Variants in LRFN5 observed in about 807,000 individuals in gnomAD.
LRFN5 encodes the protein leucine-rich repeat and fibronectin type-III domain-containing protein 5.
LRFN5 carries 24 observed loss-of-function variants against 45.6 expected under a neutral mutation model. The observed-to-expected ratio is 0.53, with a 90% confidence interval of 0.38 to 0.74. The LOEUF is 0.74. LRFN5 is among the 30% of genes least tolerant of loss of function. LRFN5 has a pLI of 0.00. For missense variants in LRFN5, 776 were observed against 861.5 expected, an observed-to-expected ratio of 0.90 and a Z score of 1.24; for synonymous variants, 340 against 313.8, an observed-to-expected ratio of 1.08 and a Z score of -0.88.
At chr14:41,667,486 G>A (rs941639481) in intron 1 of LRFN5, among the ~76,000 whole-genome samples, 3 of 152,128 alleles carry the variant, frequency 2.0e-5, no homozygotes, top group Admixed American at 2.0e-4. Context: ...ACCTCCATGT[G>A]GTTAGTGGCT....
At chr14:41,749,219 G>A (rs181153238) in intron 1 of LRFN5, among the ~76,000 whole-genome samples, 1 of 152,134 alleles carries the variant, frequency 6.6e-6, no homozygotes, top group African/African-American at 2.4e-5. Context: ...GTTGAGAGAC[G>A]TATGCAAACA....
chr14:41,655,072 C>G (rs923217763), intron 1 of LRFN5, among the ~76,000 whole-genome samples: 1 of 151,976 alleles, frequency 6.6e-6, no homozygotes. Context: ...TTAATTCAGT[C>G]GTTTGTTCAA....
chr14:41,763,523 T>G (rs1487591989), intron 1 of LRFN5, among the ~76,000 whole-genome samples: 1 of 152,226 alleles, frequency 6.6e-6, no homozygotes, highest in African/African-American at 2.4e-5. Flanking sequence ...CACCCAAATC[T>G]CATCTTGAAT....
chr14:41,703,231 T>C (rs56232572), intron 1 of LRFN5, among the ~76,000 whole-genome samples: 6,787 of 152,264 alleles, frequency 0.045, 489 homozygotes, highest in African/African-American at 0.15. Context: ...AATATAGTAA[T>C]ATTTGATGAT....
chr14:41,633,843 A>C, intron 1 of LRFN5, among the ~76,000 whole-genome samples: 1 of 152,054 alleles, frequency 6.6e-6, no homozygotes, highest in East Asian at 1.9e-4. Context: ...TTCCTCATAC[A>C]CAAGTGTATG....
At chr14:41,778,191 C>G (rs74045421) in intron 2 of LRFN5, among the ~76,000 whole-genome samples, 1,867 of 151,248 alleles carry the variant, frequency 0.012, 32 homozygotes, top group African/African-American at 0.043. Flanking sequence ...TATTTGATTC[C>G]CAGTCTGAAT....
Position 41,891,641 on chromosome 14 carries a change from GC to G in LRFN5, c.1778del (p.Ala593ValfsTer18). The G allele has an allele frequency of 6.2e-7, 1 of 1,614,192 alleles. No individual in the cohort carries two copies. Among genetic ancestry groups the G allele is most frequent in the Non-Finnish European group, 8.5e-7 (1 of 1,180,038 alleles). On this transcript the variant is annotated frameshift_variant, in exon 4 of 6. Coordinates refer to ENST00000298119, the MANE Select transcript of LRFN5 (RefSeq NM_152447.5). LOFTEE classifies it high-confidence loss of function. Reference sequence around the variant, plus strand: ...GCTGCCCCAGTCCGTGTCCAAACAAGCTGTGGGACACGAAGAGAATGCCCAG... The same window carrying G: ...GCTGCCCCAGTCCGTGTCCAAACAAGTGTGGGACACGAAGAGAATGCCCAG... ...VTLPQSVSKQ[A>X]VGHEENAQCC...
At chr14:41,877,174 A>G (rs141646270) in intron 2 of LRFN5, among the ~76,000 whole-genome samples, 1,732 of 152,240 alleles carry the variant, frequency 0.011, 29 homozygotes, top group African/African-American at 0.04. Context: ...TATCGCTTAC[A>G]TTTCCTAAAT....
At chr14:41,878,097 G>C (rs1254563207) in intron 2 of LRFN5, among the ~76,000 whole-genome samples, 2 of 151,972 alleles carry the variant, frequency 1.3e-5, no homozygotes, top group Non-Finnish European at 2.9e-5. Context: ...AGCATTTATA[G>C]TCTCTCTAGA....
chr14:41,767,596 T>G (rs1256071286), intron 2 of LRFN5, among the ~76,000 whole-genome samples: 2 of 152,112 alleles, frequency 1.3e-5, no homozygotes, highest in Non-Finnish European at 2.9e-5. Flanking sequence ...TGCCAGCCTT[T>G]AAATGTGCAT....
At chr14:41,858,649 T>C (rs970304484) in intron 2 of LRFN5, among the ~76,000 whole-genome samples, 2 of 152,208 alleles carry the variant, frequency 1.3e-5, no homozygotes, top group Non-Finnish European at 2.9e-5. Flanking sequence ...ATCTTTGTCC[T>C]CTGAGTCTTA....
chr14:41,660,545 CAGAGGATTTTAA>C (rs145906044), intron 1 of LRFN5, among the ~76,000 whole-genome samples: 3,589 of 152,130 alleles, frequency 0.024, 128 homozygotes, highest in African/African-American at 0.082. Flanking sequence ...GACTGGCTTG[CAGAGGATTTTAA>C]AGAGTTATCC....
chr14:41,670,103 A>G (rs185883423), intron 1 of LRFN5, among the ~76,000 whole-genome samples: 38 of 147,882 alleles, frequency 2.6e-4, no homozygotes, highest in Middle Eastern at 3.8e-3. Flanking sequence ...ACACATACAT[A>G]TCTATACATT....
intron 1 of LRFN5, among the ~76,000 whole-genome samples, chr14:41,706,052 T>A (rs1883050766): frequency 6.6e-6 from 1 of 152,236 alleles, no homozygotes; most frequent in Admixed American, 6.5e-5. Context: ...TTATGCTGTT[T>A]GTTTATTTTT....
chr14:41,783,935 G>A (rs72668841), intron 2 of LRFN5, among the ~76,000 whole-genome samples: 6,258 of 152,086 alleles, frequency 0.041, 188 homozygotes, highest in Non-Finnish European at 0.06. Flanking sequence ...TATAAGAAAA[G>A]TTCTATAGTA....
intron 2 of LRFN5, among the ~76,000 whole-genome samples, chr14:41,832,192 T>C (rs73319487): frequency 7.9e-5 from 12 of 152,264 alleles, no homozygotes; most frequent in African/African-American, 2.9e-4. Flanking sequence ...GTTTCTTGCC[T>C]AGTGTGGTGA....
At chr14:41,635,906 A>C (rs1164127729) in intron 1 of LRFN5, among the ~76,000 whole-genome samples, 2 of 152,100 alleles carry the variant, frequency 1.3e-5, no homozygotes, top group African/African-American at 4.8e-5. Context: ...CTCCATTCTA[A>C]ATTTGCATAC....
At chr14:41,785,177 G>A (rs565233113) in intron 2 of LRFN5, among the ~76,000 whole-genome samples, 10 of 151,892 alleles carry the variant, frequency 6.6e-5, no homozygotes, top group Middle Eastern at 3.4e-3. Context: ...TTCTTTTAGC[G>A]GACATATTGT....
At chr14:41,812,506 C>A (rs542313638) in intron 2 of LRFN5, among the ~76,000 whole-genome samples, 1 of 151,492 alleles carries the variant, frequency 6.6e-6, no homozygotes, top group East Asian at 1.9e-4. Context: ...ACTTGGGCAA[C>A]GATGGACAAA....
Sources: allele counts gnomAD v4.1 joint callset (sites outside exome capture counted in the v4.1 genomes callset), GRCh38; gene constraint gnomAD v4.1.1; transcripts MANE v1.5; gene names NCBI Gene and HGNC (gene_info 2026-07-23, HGNC 2026-07-21).